Variants in CACNA1B observed in about 807,000 individuals in gnomAD.
CACNA1B encodes the protein voltage-dependent N-type calcium channel subunit alpha-1B.
In CACNA1B, 70 loss-of-function variants were observed where a neutral mutation model predicts 247.2. The ratio of observed to expected loss-of-function variants is 0.28; its 90% CI spans 0.23 to 0.35. The LOEUF (loss-of-function observed/expected upper bound fraction) is 0.35, where lower values mean the gene tolerates loss of function less well. Among genes scored for constraint, CACNA1B ranks in the 10% least tolerant of loss-of-function variants. The probability of loss-of-function intolerance (pLI) is 1.00; values close to 1 mark genes in which losing one functional copy is unlikely to be tolerated. For missense variants in CACNA1B, 2,367 were observed against 3,197.4 expected, an observed-to-expected ratio of 0.74 and a Z score of 6.26; for synonymous variants, 1,231 against 1,294.4, an observed-to-expected ratio of 0.95 and a Z score of 1.05.
rs149187934 is a variant in CACNA1B at position 138,109,085 on chromosome 9, T to C, written c.5428+3278T>C. Among the ~76,000 whole-genome samples the C allele has an allele frequency of 3.3e-4, 50 of 152,376 alleles. No homozygotes were observed. The East Asian group carries it at 8.5e-3, about 26-fold the overall frequency. ...AAGTATATGATTATCTCAATAGGTATAGAAAAAGCATTTGACAAAATTCAA... is the reference window on the plus strand; with the variant it reads ...AAGTATATGATTATCTCAATAGGTACAGAAAAAGCATTTGACAAAATTCAA... On this transcript the variant is annotated intron_variant, in intron 39 of 46. Coordinates refer to ENST00000371372, the MANE Select transcript of CACNA1B (RefSeq NM_000718.4).
At chr9:138,104,803 C>G (rs907996371) in intron 38 of CACNA1B, among the ~76,000 whole-genome samples, 1 of 152,256 alleles carries the variant, frequency 6.6e-6, no homozygotes. Context: ...TTGCTCCCCA[C>G]GCTCAAAATA....
intron 38 of CACNA1B, among the ~76,000 whole-genome samples, chr9:138,104,816 C>A (rs1283301282): frequency 6.6e-6 from 1 of 152,244 alleles, no homozygotes; most frequent in African/African-American, 2.4e-5. Context: ...TCAAAATATT[C>A]CAGGCACACT....
chr9:138,094,856 G>T (rs1385154080), intron 36 of CACNA1B, among the ~76,000 whole-genome samples: 7 of 152,180 alleles, frequency 4.6e-5, no homozygotes, highest in Non-Finnish European at 1.0e-4. Context: ...TGATAATTCA[G>T]TGAGGGAGAG....
At position 138,050,134 on chromosome 9, in the gene CACNA1B, C is replaced by T; in HGVS notation, c.3710+819C>T. The T allele has an allele frequency of 7.9e-6, 10 of 1,264,632 alleles. No homozygotes were observed. In the South Asian group the frequency reaches 8.7e-5, roughly 11 times the overall value. 78.3% of individuals were successfully genotyped at this position (1,264,632 alleles called of 1,614,324 possible). A position where few individuals can be genotyped will look rare whatever the true frequency, so the allele number is the denominator to read the frequency against. The stretch of plus-strand genomic sequence containing the variant: ...CGCTGCCCCTGACATCACAGCATTC[C>T]AGCAGCCCCTCTTGGGTCATTTCAT... On this transcript the variant is annotated intron_variant, in intron 24 of 46. Coordinates refer to ENST00000371372, the MANE Select transcript of CACNA1B (RefSeq NM_000718.4). The surrounding 1 kb of genome is among the most constrained non-coding windows in gnomAD (Gnocchi z 5.2).
chr9:138,069,612 C>T, intron 31 of CACNA1B, 146 bp from the exon 32 acceptor site: 4 of 653,690 alleles, frequency 6.1e-6, no homozygotes, highest in Admixed American at 4.4e-5. Flanking sequence ...CTTGATTTAC[C>T]TTAACCTACC....
At chr9:138,035,621 T>A (rs1275585795) in intron 20 of CACNA1B, among the ~76,000 whole-genome samples, 1 of 152,234 alleles carries the variant, frequency 6.6e-6, no homozygotes, top group Non-Finnish European at 1.5e-5. Context: ...GATAAGCCCT[T>A]TTTTCCCTGA....
chr9:138,033,816 C>T (rs575940643), intron 20 of CACNA1B, among the ~76,000 whole-genome samples: 37 of 152,240 alleles, frequency 2.4e-4, no homozygotes, highest in African/African-American at 8.4e-4. Flanking sequence ...GGGGAAACCA[C>T]CCCCATGATC....
intron 15 of CACNA1B, among the ~76,000 whole-genome samples, chr9:138,004,182 T>C (rs922437784): frequency 2.6e-5 from 4 of 152,002 alleles, no homozygotes; most frequent in African/African-American, 9.7e-5. Flanking sequence ...TAAAAGTACC[T>C]GTGAGAAGGA....
At chr9:137,979,963 A>G (rs1193608686) in intron 12 of CACNA1B, among the ~76,000 whole-genome samples, 2 of 152,228 alleles carry the variant, frequency 1.3e-5, no homozygotes, top group Non-Finnish European at 2.9e-5. Context: ...CCAGCTGGGC[A>G]CATGCGGGAA....
chr9:138,075,764 G>C, intron 34 of CACNA1B, 55 bp from the exon 35 acceptor site: 2 of 1,185,934 alleles, frequency 1.7e-6, no homozygotes, highest in Non-Finnish European at 2.5e-6. Context: ...CGGTCCACCT[G>C]GCGCGGCTCC....
At chr9:138,000,342 C>G (rs1283892147) in intron 15 of CACNA1B, among the ~76,000 whole-genome samples, 1 of 152,148 alleles carries the variant, frequency 6.6e-6, no homozygotes, top group Non-Finnish European at 1.5e-5. Context: ...TCGTGATCAG[C>G]CCGCCTTGGC....
chr9:138,056,772 A>G (rs1253892379), intron 26 of CACNA1B, among the ~76,000 whole-genome samples: 1 of 152,016 alleles, frequency 6.6e-6, no homozygotes. Context: ...TTTTTAAACT[A>G]CAGCCATCAT....
chr9:137,907,893 G>A (rs1210779411), intron 3 of CACNA1B, among the ~76,000 whole-genome samples: 1 of 152,074 alleles, frequency 6.6e-6, no homozygotes, highest in Non-Finnish European at 1.5e-5. Context: ...TCTTTCTGCC[G>A]ACGGGTGACC....
intron 8 of CACNA1B, 35 bp from the exon 9 acceptor site, chr9:137,956,736 G>C: frequency 6.3e-7 from 1 of 1,599,794 alleles, no homozygotes; most frequent in South Asian, 1.1e-5. Flanking sequence ...CTGGGGTCAG[G>C]AGGGCTCTGA....
At chr9:137,997,660 T>G (rs1267482898) in intron 15 of CACNA1B, among the ~76,000 whole-genome samples, 4 of 152,170 alleles carry the variant, frequency 2.6e-5, no homozygotes, top group Non-Finnish European at 4.4e-5. Context: ...AATTAAGAGA[T>G]CTAACAATAT....
intron 36 of CACNA1B, among the ~76,000 whole-genome samples, chr9:138,079,194 C>CT (rs1356206408): frequency 2.0e-5 from 3 of 152,124 alleles, no homozygotes; most frequent in African/African-American, 2.4e-5. Flanking sequence ...ATCCAGGAAT[C>CT]TGAGTTTTAA....
chr9:137,902,062 C>T (rs1957246601), intron 3 of CACNA1B, among the ~76,000 whole-genome samples: 1 of 152,168 alleles, frequency 6.6e-6, no homozygotes, highest in African/African-American at 2.4e-5. Flanking sequence ...TGTTTTATAT[C>T]CAGCTCTTGT....
At chr9:138,043,238 G>A (rs1959149120) in intron 20 of CACNA1B, among the ~76,000 whole-genome samples, 1 of 152,208 alleles carries the variant, frequency 6.6e-6, no homozygotes, top group East Asian at 1.9e-4. Context: ...GGCCTGAGCA[G>A]AGGCTGGGTC....
At chr9:138,079,515 G>C (rs1030299948) in intron 36 of CACNA1B, among the ~76,000 whole-genome samples, 1 of 152,112 alleles carries the variant, frequency 6.6e-6, no homozygotes, top group Non-Finnish European at 1.5e-5. Context: ...AGCCCAGGCG[G>C]ACAGATCACC....
Sources: gnomAD v4.1 joint callset for allele counts (sites outside exome capture counted in the v4.1 genomes callset) on GRCh38, gnomAD v4.1.1 for gene constraint, Gnocchi (gnomAD v3.1) non-coding constraint, MANE v1.5 for transcripts, NCBI Gene and HGNC (gene_info 2026-07-23, HGNC 2026-07-21) for gene names.